The following SP110 variants were observed in gnomAD, a reference collection of about 807,000 sequenced individuals.
SP110 encodes interferon-induced protein 41, 30kD.
SP110 carries 62 observed loss-of-function variants against 92.7 expected under a neutral mutation model. The ratio of observed to expected loss-of-function variants is 0.67; its 90% CI spans 0.55 to 0.83. SP110 has a LOEUF of 0.83. SP110 is among the 40% of genes least tolerant of loss of function. The pLI is 0.00. For synonymous variants in SP110, 273 were observed against 305.3 expected, an observed-to-expected ratio of 0.89 and a Z score of 1.10; for missense variants, 793 against 863.9, an observed-to-expected ratio of 0.92 and a Z score of 1.03.
chr2:230,176,031 C>A (rs1464530482), intron 14 of SP110, among the ~76,000 whole-genome samples: 1 of 149,762 alleles, frequency 6.7e-6, no homozygotes, highest in Non-Finnish European at 1.5e-5. Context: ...GCAACCTCTG[C>A]CTCCAGAGCT....
intron 10 of SP110, among the ~76,000 whole-genome samples, chr2:230,194,839 G>A (rs571040482): frequency 6.6e-6 from 1 of 152,256 alleles, no homozygotes; most frequent in African/African-American, 2.4e-5. Flanking sequence ...CCTATGATAA[G>A]AGAAAAGAAG....
At chr2:230,200,493 C>A in intron 10 of SP110, 1 of 197,900 alleles carries the variant, frequency 5.1e-6, no homozygotes, top group African/African-American at 2.4e-5. Flanking sequence ...GATTGGAATT[C>A]TAGGAAAAAG....
chr2:230,166,514 TCCTCTGCAATGGTATATTAAATAC>T lies in SP110; in HGVS notation c.*2586_*2609del, dbSNP rs71049635. ...CTCATTTATAAATACAAATGTAAAA[TCCTCTGCAATGGTATATTAAATAC>T]CCTCTGCAATGGTACATTAAATACC... On this transcript the variant is annotated 3_prime_UTR_variant, in exon 19 of 19. Transcript: ENST00000258381. Among the ~76,000 whole-genome samples, 100,060 of 151,438 alleles carry T rather than the reference TCCTCTGCAATGGTATATTAAATAC, an allele frequency of 0.66. 33,481 individuals carry two copies. The highest frequency in any genetic ancestry group is 0.72 in the Middle Eastern group (212 of 294).
intron 12 of SP110, among the ~76,000 whole-genome samples, chr2:230,182,673 G>A (rs1035672478): frequency 6.6e-6 from 1 of 152,128 alleles, no homozygotes; most frequent in Non-Finnish European, 1.5e-5. Context: ...GGTGGTTTAT[G>A]GGTGTTGGTG....
chr2:230,195,883 A>G (rs952385084), intron 10 of SP110, among the ~76,000 whole-genome samples: 3 of 152,188 alleles, frequency 2.0e-5, no homozygotes, highest in Non-Finnish European at 2.9e-5. Context: ...GAAGGTTAAT[A>G]TCCTTATTAG....
intron 8 of SP110, chr2:230,202,943 ACTCCTGGTATGAC>A: frequency 1.7e-6 from 1 of 590,834 alleles, no homozygotes. Context: ...ATCTGCTTTC[ACTCCTGGTATGAC>A]CTGTTGCAAT....
At chr2:230,188,317 C>A (rs1329182174) in intron 10 of SP110, among the ~76,000 whole-genome samples, 2 of 152,024 alleles carry the variant, frequency 1.3e-5, no homozygotes, top group Non-Finnish European at 2.9e-5. Context: ...TATAGCAGTG[C>A]TAATTTGTGT....
chr2:230,180,101 G>C (rs1305841384), intron 12 of SP110, among the ~76,000 whole-genome samples: 1 of 152,168 alleles, frequency 6.6e-6, no homozygotes, highest in Non-Finnish European at 1.5e-5. Flanking sequence ...TTGTTTGAAA[G>C]GTGAGCTGCA....
Position 230,178,055 on chromosome 2 carries a change from G to A in SP110, c.1447+102C>T, listed in dbSNP as rs112864192. 548 of 764,812 alleles carry A rather than the reference G, an allele frequency of 7.2e-4. 1 individual carries two copies. Among genetic ancestry groups the A allele is most frequent in the African/African-American group, 5.5e-3 (317 of 58,144 alleles). 47.4% of individuals were successfully genotyped at this position (764,812 alleles called of 1,614,324 possible). A position where few individuals can be genotyped will look rare whatever the true frequency, so the allele number is the denominator to read the frequency against. On this transcript the variant is annotated intron_variant, in intron 13 of 18. Transcript: ENST00000258381. ...AAGCGTTTCTTCTGCAGTCTAGCTA[G>A]CAGGGTCCATTTCCTGATCAATTAC...
chr2:230,201,474 A>G (rs1442364727), intron 9 of SP110, among the ~76,000 whole-genome samples: 1 of 152,194 alleles, frequency 6.6e-6, no homozygotes, highest in Non-Finnish European at 1.5e-5. Flanking sequence ...CCACCTACTC[A>G]CTGTACCAAA....
At chr2:230,220,304 T>C (rs2045705940), upstream of SP110, among the ~76,000 whole-genome samples, 1 of 152,218 alleles carries the variant, frequency 6.6e-6, no homozygotes, top group African/African-American at 2.4e-5. Flanking sequence ...CCTCATTCTG[T>C]ACATTTTAGG....
chr2:230,179,148 T>G (rs967007), intron 12 of SP110, among the ~76,000 whole-genome samples: 118,216 of 152,108 alleles, frequency 0.78, 46,028 homozygotes, highest in Non-Finnish European at 0.8. Context: ...GACGGAAAGG[T>G]GAAGGAACAG....
intron 4 of SP110, 102 bp from the exon 5 acceptor site, chr2:230,212,532 G>A: frequency 9.1e-7 from 1 of 1,099,728 alleles, no homozygotes; most frequent in Non-Finnish European, 1.4e-6. Flanking sequence ...CAAGGCACAA[G>A]GGCAGAGGGT....
intron 10 of SP110, among the ~76,000 whole-genome samples, chr2:230,186,865 T>C (rs1206254823): frequency 3.3e-5 from 5 of 152,242 alleles, no homozygotes; most frequent in Non-Finnish European, 1.5e-5. Flanking sequence ...TAATACACCA[T>C]GGTGTATATA....
chr2:230,177,762 C>A, intron 13 of SP110, 82 bp from the exon 14 acceptor site: 1 of 1,477,676 alleles, frequency 6.8e-7, no homozygotes, highest in Non-Finnish European at 9.4e-7. Context: ...TTGTGGCCTT[C>A]TACCTTTCCA....
intron 18 of SP110, 122 bp from the exon 19 acceptor site, chr2:230,169,359 G>C: frequency 1.4e-6 from 1 of 711,272 alleles, no homozygotes; most frequent in South Asian, 1.4e-5. Context: ...CCCAGGCTGT[G>C]GTGCAGTGGC....
upstream of SP110, among the ~76,000 whole-genome samples, chr2:230,224,113 T>C (rs1574839607): frequency 6.6e-6 from 1 of 152,236 alleles, no homozygotes; most frequent in African/African-American, 2.4e-5. Context: ...CCTGGGCTAA[T>C]GCATGGTGTT....
intron 10 of SP110, among the ~76,000 whole-genome samples, chr2:230,198,411 G>A (rs1474913703): frequency 6.6e-6 from 1 of 152,134 alleles, no homozygotes; most frequent in Non-Finnish European, 1.5e-5. Context: ...CAGTCATAAT[G>A]CCCACCATAA....
intron 13 of SP110, among the ~76,000 whole-genome samples, 188 bp from the exon 14 acceptor site, chr2:230,177,868 G>A (rs1009278189): frequency 1.3e-5 from 2 of 152,232 alleles, no homozygotes; most frequent in Non-Finnish European, 2.9e-5. Flanking sequence ...GCCTGACTGA[G>A]TGGTGAGGGG....
Sources: gnomAD v4.1 joint callset for allele counts (sites outside exome capture counted in the v4.1 genomes callset) on GRCh38, gnomAD v4.1.1 for gene constraint, MANE v1.5 for transcripts, NCBI Gene and HGNC (gene_info 2026-07-23, HGNC 2026-07-21) for gene names.